The following COBL variants were observed in gnomAD, a reference collection of about 807,000 sequenced individuals.
The protein encoded by COBL is cordon-bleu WH2 repeat protein.
A neutral mutation model predicts 98.8 loss-of-function variants in COBL; 51 were observed. That is an observed-to-expected ratio of 0.52 (90% confidence interval 0.41 to 0.65). The LOEUF (loss-of-function observed/expected upper bound fraction) is 0.65. Ranked by LOEUF, COBL falls within the 30% of genes least tolerant of loss-of-function variation. The pLI is 0.00. For synonymous variants in COBL, 634 were observed against 651.7 expected (o/e 0.97, Z 0.41); for missense variants, 1,617 against 1,617.5 (o/e 1.00, Z 0.01).
chr7:51,173,065 A>G (rs1468295563), intron 5 of COBL, among the ~76,000 whole-genome samples: 1 of 152,190 alleles, frequency 6.6e-6, no homozygotes. Flanking sequence ...CTAGGATTAC[A>G]GGTGTGAGCC....
At chr7:51,269,333 G>A (rs1044673448) in intron 1 of COBL, among the ~76,000 whole-genome samples, 2 of 152,240 alleles carry the variant, frequency 1.3e-5, no homozygotes, top group Non-Finnish European at 2.9e-5. Flanking sequence ...ACAGAAAACA[G>A]TACAGCAGTG....
At chr7:51,135,960 C>G (rs1799193500) in intron 6 of COBL, among the ~76,000 whole-genome samples, 198 bp downstream of exon 6, 2 of 152,186 alleles carry the variant, frequency 1.3e-5, no homozygotes, top group African/African-American at 4.8e-5. Flanking sequence ...TTGGGGAACT[C>G]AGCTTCTCAG....
chr7:51,274,500 T>C lies in COBL; in HGVS notation c.41+42093A>G, dbSNP rs1358294979. 3.3e-5 allele frequency among the ~76,000 whole-genome samples: 5 copies of C among 152,184 alleles called. No homozygotes were observed. In the East Asian group the frequency reaches 5.8e-4, roughly 18 times the overall value. On this transcript the variant is annotated intron_variant, in intron 1 of 12. Coordinates refer to ENST00000265136, the MANE Select transcript of COBL (RefSeq NM_015198.5). Reference sequence around the variant, plus strand: ...AGCCAAGCTGACCATTCATTATCCATGAAAGAAGGAAAGAATTGTACCCCA... The same window carrying C: ...AGCCAAGCTGACCATTCATTATCCACGAAAGAAGGAAAGAATTGTACCCCA...
intron 1 of COBL, among the ~76,000 whole-genome samples, chr7:51,240,206 T>C (rs1280464240): frequency 6.6e-6 from 1 of 152,216 alleles, no homozygotes; most frequent in Admixed American, 6.5e-5. Context: ...GAGAAAATCT[T>C]GACAATGCAG....
chr7:51,036,266 G>C (rs554801652), intron 8 of COBL, among the ~76,000 whole-genome samples: 18 of 150,070 alleles, frequency 1.2e-4, no homozygotes, highest in Admixed American at 1.3e-4. Context: ...GAACCCAGGA[G>C]GGGGAGGATG....
chr7:51,278,654 A>C (rs1799535637), intron 1 of COBL, among the ~76,000 whole-genome samples: 1 of 152,164 alleles, frequency 6.6e-6, no homozygotes, highest in Non-Finnish European at 1.5e-5. Context: ...TGCTGGGATT[A>C]CAGGCGTGAG....
At chr7:51,284,557 G>C (rs1800139141) in intron 1 of COBL, among the ~76,000 whole-genome samples, 1 of 151,950 alleles carries the variant, frequency 6.6e-6, no homozygotes, top group South Asian at 2.1e-4. Flanking sequence ...GGCCAGGCAT[G>C]GTGGCTCATG....
chr7:51,102,133 T>C lies in COBL; in HGVS notation c.958-16829A>G, dbSNP rs60059689. On this transcript the variant is annotated intron_variant, in intron 6 of 12. Transcript: ENST00000265136. ...TCGTGGACTTTCTAGCCTCCAAAAC[T>C]GTGAGAAATAATGGTTGTTTAACCC... Among the ~76,000 whole-genome samples the C allele has an allele frequency of 1.8e-3, 273 of 152,318 alleles. 1 individual carries two copies. Among genetic ancestry groups the C allele is most frequent in the African/African-American group, 6.5e-3 (269 of 41,582 alleles).
chr7:51,092,473 G>A (rs958809993), intron 6 of COBL, among the ~76,000 whole-genome samples: 1 of 152,080 alleles, frequency 6.6e-6, no homozygotes, highest in Admixed American at 6.5e-5. Flanking sequence ...CCTGAAATAA[G>A]GCCCCAATTT....
intron 1 of COBL, among the ~76,000 whole-genome samples, chr7:51,293,437 A>G (rs1801098173): frequency 6.6e-6 from 1 of 152,226 alleles, no homozygotes; most frequent in Admixed American, 6.5e-5. Flanking sequence ...AACAATAGAG[A>G]CACCATGAAA....
intron 1 of COBL, among the ~76,000 whole-genome samples, chr7:51,251,480 G>A (rs923755958): frequency 2.0e-5 from 3 of 152,288 alleles, no homozygotes; most frequent in South Asian, 2.1e-4. Flanking sequence ...GACCTCTGCC[G>A]AATGACTCAT....
At chr7:51,292,095 C>T (rs898992357) in intron 1 of COBL, among the ~76,000 whole-genome samples, 2 of 149,838 alleles carry the variant, frequency 1.3e-5, no homozygotes, top group Non-Finnish European at 3.0e-5. Flanking sequence ...TGTAGTGAGC[C>T]GAGATTGTGC....
At chr7:51,232,321 CT>C (rs1794826478) in intron 1 of COBL, among the ~76,000 whole-genome samples, 1 of 112,796 alleles carries the variant, frequency 8.9e-6, no homozygotes, top group African/African-American at 3.7e-5. Flanking sequence ...ATATCAGTCT[CT>C]TCCTTTTGCC....
chr7:51,038,307 G>A (rs1788837067), intron 8 of COBL, among the ~76,000 whole-genome samples: 1 of 152,172 alleles, frequency 6.6e-6, no homozygotes, highest in South Asian at 2.1e-4. Context: ...GAGGCCAGTC[G>A]AACCTCTAAA....
chr7:51,093,046 T>C (rs1215258453), intron 6 of COBL, among the ~76,000 whole-genome samples: 1 of 152,170 alleles, frequency 6.6e-6, no homozygotes, highest in African/African-American at 2.4e-5. Context: ...TTAAACTAAA[T>C]AGCTCCTGCA....
intron 2 of COBL, among the ~76,000 whole-genome samples, chr7:51,195,133 G>T (rs991581617): frequency 2.0e-5 from 3 of 151,938 alleles, no homozygotes; most frequent in African/African-American, 7.2e-5. Context: ...TGTCTTCCAG[G>T]GTTTTTATAG....
intron 1 of COBL, among the ~76,000 whole-genome samples, chr7:51,231,507 G>T (rs539638906): frequency 4.4e-4 from 67 of 152,330 alleles, no homozygotes; most frequent in African/African-American, 1.6e-3. Flanking sequence ...GCCTGAAGCT[G>T]CCCGGGAGCA....
At chr7:51,212,193 AAAT>A (rs1423621916) in intron 2 of COBL, among the ~76,000 whole-genome samples, 2 of 152,184 alleles carry the variant, frequency 1.3e-5, no homozygotes, top group Non-Finnish European at 2.9e-5. Context: ...ACTTCTTTAA[AAAT>A]AATATTTTCC....
chr7:51,199,326 G>T (rs1439442264), intron 2 of COBL, among the ~76,000 whole-genome samples: 1 of 152,174 alleles, frequency 6.6e-6, no homozygotes, highest in Non-Finnish European at 1.5e-5. Context: ...GCTAGGAGTA[G>T]ATCCTTACTT....
Sources: allele counts gnomAD v4.1 joint callset (sites outside exome capture counted in the v4.1 genomes callset), GRCh38; gene constraint gnomAD v4.1.1; transcripts MANE v1.5; gene names NCBI Gene and HGNC (gene_info 2026-07-23, HGNC 2026-07-21).